Variants in HHIPL1 observed in about 807,000 individuals in gnomAD.
HHIPL1 encodes HHIP like 1.
A neutral mutation model predicts 61.8 loss-of-function variants in HHIPL1; 43 were observed. That is an observed-to-expected ratio of 0.70 (90% CI 0.55 to 0.90). The LOEUF is 0.90. Among genes scored for constraint, HHIPL1 ranks in the 40% least tolerant of loss-of-function variants. The pLI is 0.00. For missense variants in HHIPL1, 1,056 were observed against 1,157.7 expected (o/e 0.91, Z 1.28); for synonymous variants, 482 against 515.8 (o/e 0.93, Z 0.89).
At chr14:99,643,588 C>T (rs2055781360), upstream of HHIPL1, among the ~76,000 whole-genome samples, 1 of 152,198 alleles carries the variant, frequency 6.6e-6, no homozygotes, top group Non-Finnish European at 1.5e-5. Context: ...TGATGTGTGA[C>T]TATCACCCAG....
chr14:99,637,126 AAGAG>A, the HHIPL1 span, among the ~76,000 whole-genome samples: 51,601 of 126,236 alleles, frequency 0.41, 13,159 homozygotes, highest in East Asian at 0.68. Flanking sequence ...AAAGAAAAGA[AAGAG>A]AGAGAGAGAA....
chr14:99,675,600 T>C lies in HHIPL1; in HGVS notation c.2323T>C (p.Cys775Arg), dbSNP rs1020831880. The change falls in exon 9 of 9, where the codon TGC becomes CGC. Residue 775 changes from cysteine to arginine, a missense_variant. Cys to Arg is a radical substitution (Grantham distance 180). Coordinates refer to ENST00000330710, the MANE Select transcript of HHIPL1 (RefSeq NM_001127258.3). The surrounding 1 kb of genome is among the most constrained non-coding windows in gnomAD (Gnocchi z 5.4). ...GCACGACGAGGATGCGGGCGTCGTG[T>C]GCAGCCACCAGAACCCCGACCTGTA... ...CEHDEDAGVV[C>R]SHQNPDL 6.5e-7 allele frequency: 1 copy of C among 1,528,548 alleles called. No individual in the cohort carries two copies. The highest frequency in any genetic ancestry group is 1.4e-5 in the African/African-American group (1 of 72,764). 94.7% of individuals were successfully genotyped at this position (1,528,548 alleles called of 1,614,324 possible).
At chr14:99,651,600 C>T (rs1291493926) in intron 1 of HHIPL1, among the ~76,000 whole-genome samples, 2 of 152,172 alleles carry the variant, frequency 1.3e-5, no homozygotes, top group African/African-American at 2.4e-5. Flanking sequence ...CCAGGCTCCT[C>T]CTCCAACACT....
rs1370406937 is a variant in HHIPL1 at position 99,675,365 on chromosome 14, G to C, written c.2088G>C (p.Trp696Cys). The C allele has an allele frequency of 6.6e-7, 1 of 1,506,032 alleles. No homozygotes were observed. Among genetic ancestry groups the C allele is most frequent in the South Asian group, 1.2e-5 (1 of 80,104 alleles). The allele number at this position is 1,506,032 out of a possible 1,614,324, so 93.3% of individuals were successfully genotyped here. Residue 696 changes from tryptophan to cysteine, a missense_variant, in exon 9 of 9, where the codon TGG becomes TGC. Coordinates refer to ENST00000330710, the MANE Select transcript of HHIPL1 (RefSeq NM_001127258.3). This position sits in a 1 kb window ranked among gnomAD's most constrained non-coding sequence, Gnocchi z 5.4. ...GRVEVFVGGR[W>C]GTVCDDSWNI... ...TGGAGGTGTTCGTGGGCGGACGCTGGGGCACCGTGTGCGACGACTCCTGGA... is the reference window on the plus strand; with the variant it reads ...TGGAGGTGTTCGTGGGCGGACGCTGCGGCACCGTGTGCGACGACTCCTGGA...
the HHIPL1 span, among the ~76,000 whole-genome samples, chr14:99,639,607 A>C: frequency 5.7e-4 from 86 of 152,066 alleles, no homozygotes; most frequent in Admixed American, 1.6e-3. Context: ...TCAGCCTCCC[A>C]AAGTGCTGGG....
At position 99,659,795 on chromosome 14, in the gene HHIPL1, GCCC is replaced by G. The variant is rs558971939; in HGVS notation, c.1375+42_1375+44del. On this transcript the variant is annotated intron_variant, in intron 4 of 8. Transcript: ENST00000330710. ...CCCCGGGGACCCCGGCCCCGAATCC[GCCC>G]CCACCCCACCCCACCTGCTGTGCCG... The G allele has an allele frequency of 1.8e-5, 17 of 926,818 alleles. No individual in the cohort carries two copies. In the South Asian group the frequency reaches 6.6e-4, roughly 36 times the overall value. The allele number at this position is 926,818 out of a possible 1,614,324, so 57.4% of individuals were successfully genotyped here. A position where few individuals can be genotyped will look rare whatever the true frequency, so the allele number is the denominator to read the frequency against.
Position 99,668,337 on chromosome 14 carries a change from C to A in HHIPL1, c.1730+34C>A. On this transcript the variant is annotated intron_variant, in intron 7 of 8. Transcript: ENST00000330710. This position sits in a 1 kb window ranked among gnomAD's most constrained non-coding sequence, Gnocchi z 4.7. ...CAGCCTCCAGGACAGGGAGCTCCTGCTGTCTGTCAGGCCTCTTAGCTCCAC... is the reference window on the plus strand; with the variant it reads ...CAGCCTCCAGGACAGGGAGCTCCTGATGTCTGTCAGGCCTCTTAGCTCCAC... 1 of 1,342,652 alleles carries A rather than the reference C, an allele frequency of 7.4e-7. No individual in the cohort carries two copies. The highest frequency in any genetic ancestry group is 1.8e-4 in the Middle Eastern group (1 of 5,488). 83.2% of individuals were successfully genotyped at this position (1,342,652 alleles called of 1,614,324 possible).
At chr14:99,638,110 G>C in the HHIPL1 span, among the ~76,000 whole-genome samples, 15 of 152,310 alleles carry the variant, frequency 9.8e-5, no homozygotes, top group Admixed American at 3.3e-4. Context: ...GTTTACGAAG[G>C]CTGGCTCTGG....
Position 99,668,165 on chromosome 14 carries a change from C to A in HHIPL1, c.1649-57C>A. 9.4e-7 allele frequency: 1 copy of A among 1,067,920 alleles called. No individual in the cohort carries two copies. Among genetic ancestry groups the A allele is most frequent in the Non-Finnish European group, 1.5e-6 (1 of 683,280 alleles). The allele number at this position is 1,067,920 out of a possible 1,614,324, so 66.2% of individuals were successfully genotyped here. On this transcript the variant is annotated intron_variant, in intron 6 of 8. Coordinates refer to ENST00000330710, the MANE Select transcript of HHIPL1 (RefSeq NM_001127258.3). This position sits in a 1 kb window ranked among gnomAD's most constrained non-coding sequence, Gnocchi z 4.7. ...CAGGGAGCCGGGTGGTGAGGCGGGG[C>A]TGGCTGGGACGGTATTCCAGGTGGG...
chr14:99,660,141 GT>G lies in HHIPL1; in HGVS notation c.1376-138del. 2.3e-5 allele frequency: 16 copies of G among 703,256 alleles called. No homozygotes were observed. The highest frequency in any genetic ancestry group is 5.1e-5 in the South Asian group (2 of 39,392). 43.6% of individuals were successfully genotyped at this position (703,256 alleles called of 1,614,324 possible). ...CGCTTTCCACCACGCCAGCCCTGCT[GT>G]GGGCACGCCAGCCCTGCTGTGGGCA... On this transcript the variant is annotated intron_variant, in intron 4 of 8. Transcript: ENST00000330710. The surrounding 1 kb of genome is among the most constrained non-coding windows in gnomAD (Gnocchi z 4.9).
At chr14:99,665,874 T>C (rs2056237087) in intron 6 of HHIPL1, among the ~76,000 whole-genome samples, 1 of 150,868 alleles carries the variant, frequency 6.6e-6, no homozygotes, top group South Asian at 2.1e-4. Flanking sequence ...CTCTGCCTCC[T>C]GGGTTCAAGT....
the HHIPL1 span, among the ~76,000 whole-genome samples, chr14:99,617,361 G>A: frequency 6.6e-6 from 1 of 152,154 alleles, no homozygotes; most frequent in Non-Finnish European, 1.5e-5. Flanking sequence ...GGGAGTGGGA[G>A]GGTTTCAGAG....
intron 1 of HHIPL1, among the ~76,000 whole-genome samples, chr14:99,647,110 G>A (rs1355462964): frequency 6.6e-6 from 1 of 152,142 alleles, no homozygotes; most frequent in African/African-American, 2.4e-5. Context: ...GGTGGTTGAG[G>A]TGGGGACATG....
the HHIPL1 span, among the ~76,000 whole-genome samples, chr14:99,609,384 A>T: frequency 6.6e-6 from 1 of 152,172 alleles, no homozygotes; most frequent in Non-Finnish European, 1.5e-5. Flanking sequence ...CTATCTTCCC[A>T]TGAGGATATT....
intron 1 of HHIPL1, among the ~76,000 whole-genome samples, chr14:99,651,555 G>A (rs1010313359): frequency 1.4e-4 from 21 of 152,282 alleles, no homozygotes; most frequent in South Asian, 8.3e-4. Context: ...TAAACCATGC[G>A]TGAGAACTCC....
intron 7 of HHIPL1, among the ~76,000 whole-genome samples, chr14:99,671,503 C>T (rs1167680844): frequency 6.6e-6 from 1 of 152,182 alleles, no homozygotes; most frequent in Non-Finnish European, 1.5e-5. Flanking sequence ...CTGGAGGCCA[C>T]TCCGTGTCAC....
At chr14:99,621,405 C>G in the HHIPL1 span, among the ~76,000 whole-genome samples, 2 of 152,214 alleles carry the variant, frequency 1.3e-5, no homozygotes, top group African/African-American at 2.4e-5. Flanking sequence ...ATTCAGCTGG[C>G]GAAGGCCCTC....
At chr14:99,612,298 C>T in the HHIPL1 span, among the ~76,000 whole-genome samples, 1 of 152,128 alleles carries the variant, frequency 6.6e-6, no homozygotes, top group East Asian at 1.9e-4. Flanking sequence ...GCCCTTGACA[C>T]GTGGGGATTA....
intron 3 of HHIPL1, among the ~76,000 whole-genome samples, chr14:99,658,450 A>G (rs761097701): frequency 1.6e-4 from 24 of 152,106 alleles, no homozygotes; most frequent in Non-Finnish European, 2.2e-4. Context: ...CATCACCGTG[A>G]AAGAGGATAC....
Sources: gnomAD v4.1 joint callset for allele counts (sites outside exome capture counted in the v4.1 genomes callset) on GRCh38, gnomAD v4.1.1 for gene constraint, Gnocchi (gnomAD v3.1) non-coding constraint, MANE v1.5 for transcripts, NCBI Gene and HGNC (gene_info 2026-07-23, HGNC 2026-07-21) for gene names.